Variants in POU5F1 observed in about 807,000 individuals in gnomAD.
The protein encoded by POU5F1 is POU domain, class 5, transcription factor 1.
Under a neutral mutation model 38.3 loss-of-function variants are expected in POU5F1, and 6 were observed. That is an observed-to-expected ratio of 0.16 (90% CI 0.09 to 0.31). The LOEUF (loss-of-function observed/expected upper bound fraction) is 0.31. POU5F1 is among the 10% of genes least tolerant of loss of function. POU5F1 has a pLI of 1.00. For synonymous variants in POU5F1, 147 were observed against 194.9 expected, an observed-to-expected ratio of 0.75 and a Z score of 2.05; for missense variants, 286 against 462.6, an observed-to-expected ratio of 0.62 and a Z score of 3.50.
At position 31,170,333 on chromosome 6, in the gene POU5F1, C is replaced by G. The variant is rs997870935; in HGVS notation, c.288G>C (p.Glu96Asp). 4.3e-6 allele frequency: 7 copies of G among 1,612,672 alleles called. No homozygotes were observed. The African/African-American group carries it at 8.0e-5, about 18-fold the overall frequency. Reference protein sequence around the residue: ...PQGGLETSQPEGEAGVGVESN... With the variant: ...PQGGLETSQPDGEAGVGVESN... ...TCTCCACCCCGACTCCTGCTTCGCC[C>G]TCAGGCTGAGAGGTCTCCAAGCCGC... Residue 96 changes from glutamate to aspartate, a missense_variant, in exon 1 of 5, where the codon GAG (glutamate) becomes GAC (aspartate). Coordinates refer to ENST00000259915, the MANE Select transcript of POU5F1 (RefSeq NM_002701.6).
chr6:31,166,970 C>T (rs1184040360), intron 1 of POU5F1: 1 of 952,350 alleles, frequency 1.1e-6, no homozygotes, highest in Non-Finnish European at 1.5e-6. Context: ...GATTATCCCT[C>T]ATCTTTACTG....
In POU5F1 at chr6:31,166,065, G is replaced by A. The variant is rs747761780; in HGVS notation, c.406-18C>T. 1 of 1,614,232 alleles carries A rather than the reference G, an allele frequency of 6.2e-7. No individual in the cohort carries two copies. The highest frequency in any genetic ancestry group is 1.7e-5 in the Admixed American group (1 of 60,024). On this transcript the variant is annotated intron_variant, in intron 1 of 4. Coordinates refer to ENST00000259915, the MANE Select transcript of POU5F1 (RefSeq NM_002701.6). ...TCCTGGGACTGGATTTTAAAAGGCA[G>A]AAGACTTGTAAGAACATAAACACAC...
At chr6:31,166,369 A>T (rs1408941217) in intron 1 of POU5F1, 1 of 1,411,234 alleles carries the variant, frequency 7.1e-7, no homozygotes, top group Non-Finnish European at 9.4e-7. Context: ...TATGAAGGTT[A>T]GAAGTTCTTT....
Position 31,164,496 on chromosome 6 carries a change from T to C in POU5F1, c.*105A>G, listed in dbSNP as rs1249631450. Reference sequence around the variant, plus strand: ...CCCTTTGTGTTCCCAATTCCTTCCTTAGTGAATGAAGAACTTAATCCCAAA... The same window carrying C: ...CCCTTTGTGTTCCCAATTCCTTCCTCAGTGAATGAAGAACTTAATCCCAAA... On this transcript the variant is annotated 3_prime_UTR_variant, in exon 5 of 5. Transcript: ENST00000259915. 6.7e-7 allele frequency: 1 copy of C among 1,492,272 alleles called. No individual in the cohort carries two copies. The highest frequency in any genetic ancestry group is 1.4e-5 in the African/African-American group (1 of 71,510). The allele number at this position is 1,492,272 out of a possible 1,614,324, so 92.4% of individuals were successfully genotyped here. A position where few individuals can be genotyped will look rare whatever the true frequency, so the allele number is the denominator to read the frequency against.
chr6:31,170,143 G>A, intron 1 of POU5F1, 73 bp downstream of exon 1: 1 of 1,610,004 alleles, frequency 6.2e-7, no homozygotes, highest in South Asian at 1.1e-5. Context: ...GCAGCTGCAG[G>A]TGACCACTTC....
At chr6:31,167,338 G>A (rs994524157) in intron 1 of POU5F1, among the ~76,000 whole-genome samples, 1 of 151,704 alleles carries the variant, frequency 6.6e-6, no homozygotes, top group Non-Finnish European at 1.5e-5. Flanking sequence ...AGCAGCCTGG[G>A]TAACATAGTG....
chr6:31,167,987 G>T (rs576262850), intron 1 of POU5F1, among the ~76,000 whole-genome samples: 1 of 152,224 alleles, frequency 6.6e-6, no homozygotes, highest in South Asian at 2.1e-4. Flanking sequence ...CTATCGCCCA[G>T]GCTGGAGTGC....
Position 31,164,835 on chromosome 6 carries a change from C to A in POU5F1, c.849G>T (p.Gln283His). The change falls in exon 5 of 5, where the codon CAG becomes CAT. Residue 283 changes from glutamine to histidine, a missense_variant. By Grantham distance (24) the Gln-to-His change is conservative (BLOSUM62 0). Coordinates refer to ENST00000259915, the MANE Select transcript of POU5F1 (RefSeq NM_002701.6). Reference sequence around the variant, plus strand: ...AGTCGCTGCTTGATCGCTTGCCCTTCTGGCGCCGGTTACAGAACCACACTC... The same window carrying A: ...AGTCGCTGCTTGATCGCTTGCCCTTATGGCGCCGGTTACAGAACCACACTC... ...VVRVWFCNRR[Q>H]KGKRSSSDYA... 6.2e-7 allele frequency: 1 copy of A among 1,612,526 alleles called. No homozygotes were observed. Among genetic ancestry groups the A allele is most frequent in the Non-Finnish European group, 8.5e-7 (1 of 1,179,506 alleles).
chr6:31,168,925 C>T (rs773956828), intron 1 of POU5F1, among the ~76,000 whole-genome samples: 1 of 152,168 alleles, frequency 6.6e-6, no homozygotes, highest in Non-Finnish European at 1.5e-5. Flanking sequence ...AAAAACAAGG[C>T]CTTTTTGTAG....
rs760370244 is a variant in POU5F1, at chr6:31,170,393, A to G, written c.228T>C (p.Cys76=). ...CTAGCCCCACTCCAACCTGGGGCCC[A>G]CAGTACGCCATCCCCCCACAGAACT... ...PYEFCGGMAY[C]GPQVGVGLVP... Residue 76 remains cysteine (C), a synonymous_variant, in exon 1 of 5, where the codon TGT becomes TGC. Coordinates refer to ENST00000259915, the MANE Select transcript of POU5F1 (RefSeq NM_002701.6). The G allele has an allele frequency of 1.2e-6, 2 of 1,612,620 alleles. No individual in the cohort carries two copies. The highest frequency in any genetic ancestry group is 1.7e-6 in the Non-Finnish European group (2 of 1,179,826).
chr6:31,166,584 G>T lies in POU5F1; in HGVS notation c.406-537C>A, dbSNP rs141017974. 2.8e-3 allele frequency: 2,781 copies of T among 999,010 alleles called. 47 individuals carry two copies. The African/African-American group carries it at 0.038, about 14-fold the overall frequency. 61.9% of individuals were successfully genotyped at this position (999,010 alleles called of 1,614,324 possible). Reference sequence around the variant, plus strand: ...TGAGGCAGGAGAATCACTTGAACCCGGGAGGCGGAGGTTGCAGTGAGCTGA... The same window carrying T: ...TGAGGCAGGAGAATCACTTGAACCCTGGAGGCGGAGGTTGCAGTGAGCTGA... On this transcript the variant is annotated intron_variant, in intron 1 of 4. Transcript: ENST00000259915.
At chr6:31,169,560 G>C (rs918543108) in intron 1 of POU5F1, among the ~76,000 whole-genome samples, 1 of 152,118 alleles carries the variant, frequency 6.6e-6, no homozygotes, top group Admixed American at 6.5e-5. Context: ...AGGGGTGCCA[G>C]GGTGTGCACC....
At position 31,170,549 on chromosome 6, in the gene POU5F1, C is replaced by T. The variant is rs1461354346; in HGVS notation, c.72G>A (p.Gly24=). ...PPGGGGDGPG[G]PEPGWVDPRT... is the part of the protein sequence containing the mutation. ...GAGGATCAACCCAGCCCGGCTCCGG[C>T]CCCCCTGGCCCATCACCTCCACCAC... is the stretch of plus-strand genomic sequence containing the variant. The change falls in exon 1 of 5, where the codon GGG becomes GGA. Residue 24 remains glycine, a synonymous_variant. Coordinates refer to ENST00000259915, the MANE Select transcript of POU5F1 (RefSeq NM_002701.6). The T allele has an allele frequency of 6.4e-7, 1 of 1,570,376 alleles. No individual in the cohort carries two copies. Among genetic ancestry groups the T allele is most frequent in the Middle Eastern group, 2.0e-4 (1 of 5,062 alleles).
chr6:31,166,778 G>A, intron 1 of POU5F1: 1 of 1,185,938 alleles, frequency 8.4e-7, no homozygotes. Flanking sequence ...TAAGTTCTGG[G>A]TTAATTAAAA....
chr6:31,165,462 C>A lies in POU5F1; in HGVS notation c.657+109G>T. On this transcript the variant is annotated intron_variant, in intron 3 of 4. Coordinates refer to ENST00000259915, the MANE Select transcript of POU5F1 (RefSeq NM_002701.6). The surrounding 1 kb of genome is among the most constrained non-coding windows in gnomAD (Gnocchi z 6.5). ...CAGAACTGAGGAATTTCACTCCATC[C>A]CACTGAGAACCACTGCACCAAAGAC... 6.3e-7 allele frequency: 1 copy of A among 1,589,338 alleles called. No individual in the cohort carries two copies. The highest frequency in any genetic ancestry group is 8.6e-7 in the Non-Finnish European group (1 of 1,167,178).
At chr6:31,170,112 T>C in intron 1 of POU5F1, 104 bp downstream of exon 1, 1 of 1,587,310 alleles carries the variant, frequency 6.3e-7, no homozygotes, top group East Asian at 2.2e-5. Context: ...TGCCTGCTCC[T>C]CTCCTGGGTG....
chr6:31,164,614 A>G lies in POU5F1; in HGVS notation c.1070T>C (p.Met357Thr). The change falls in exon 5 of 5, where the codon ATG becomes ACG. Residue 357 changes from methionine to threonine, a missense_variant. Coordinates refer to ENST00000259915, the MANE Select transcript of POU5F1 (RefSeq NM_002701.6). ...AGGGCAGGCACCTCAGTTTGAATGC[A>G]TGGGAGAGCCCAGAGTGGTGACGGA... ...PVSVTTLGSP[M>T]HSN The G allele has an allele frequency of 5.1e-6, 8 of 1,581,208 alleles. No homozygotes were observed. The highest frequency in any genetic ancestry group is 1.3e-5 in the African/African-American group (1 of 74,388).
intron 1 of POU5F1, chr6:31,166,662 G>A (rs200941459): frequency 6.3e-5 from 60 of 946,906 alleles, no homozygotes; most frequent in South Asian, 3.9e-4. Flanking sequence ...CTGTCTCAAA[G>A]AAAAAAAAAA....
chr6:31,170,107 G>A, intron 1 of POU5F1, 109 bp downstream of exon 1: 1 of 1,574,708 alleles, frequency 6.4e-7, no homozygotes, highest in East Asian at 2.2e-5. Context: ...GACCCTGCCT[G>A]CTCCTCTCCT....
Sources: gnomAD v4.1 joint callset for allele counts (sites outside exome capture counted in the v4.1 genomes callset) on GRCh38, gnomAD v4.1.1 for gene constraint, Gnocchi (gnomAD v3.1) non-coding constraint, MANE v1.5 for transcripts, NCBI Gene and HGNC (gene_info 2026-07-23, HGNC 2026-07-21) for gene names.